MAP3K20: variants seen among roughly 807,000 people sequenced by gnomAD.
MAP3K20 encodes HCCS-4.
In MAP3K20, 40 loss-of-function variants were observed where a neutral mutation model predicts 85.7. That is an observed-to-expected ratio of 0.47 (90% CI 0.36 to 0.61). The LOEUF (loss-of-function observed/expected upper bound fraction) is 0.61. MAP3K20 is among the 20% of genes least tolerant of loss of function. The probability of loss-of-function intolerance (pLI) is 0.00; values close to 1 mark genes in which losing one functional copy is unlikely to be tolerated. For synonymous variants in MAP3K20, 325 were observed against 327.7 expected, an observed-to-expected ratio of 0.99 and a Z score of 0.09; for missense variants, 817 against 961.7, an observed-to-expected ratio of 0.85 and a Z score of 1.99.
chr2:173,093,821 G>GT (rs1687374667), intron 2 of MAP3K20, among the ~76,000 whole-genome samples: 3 of 152,002 alleles, frequency 2.0e-5, no homozygotes, highest in African/African-American at 7.3e-5. Context: ...TAAAAATGAT[G>GT]AGTTCATGTC....
Position 173,185,216 on chromosome 2 carries a change from G to A in MAP3K20, c.349+2261G>A, listed in dbSNP as rs547896862. On this transcript the variant is annotated intron_variant, in intron 4 of 19. Coordinates refer to ENST00000375213, the MANE Select transcript of MAP3K20 (RefSeq NM_016653.3). ...AGATTGGGCCATTGCACTCCAGCCT[G>A]GGCGACCGAGTGAGACTCTGTCTCA... is the stretch of plus-strand genomic sequence containing the variant. Among the ~76,000 whole-genome samples, 56 of 152,236 alleles carry A rather than the reference G, an allele frequency of 3.7e-4. 1 individual carries two copies. In the South Asian group the frequency reaches 0.01, roughly 28 times the overall value.
intron 11 of MAP3K20, among the ~76,000 whole-genome samples, chr2:173,219,219 A>G (rs953081406): frequency 6.6e-6 from 1 of 152,220 alleles, no homozygotes; most frequent in Non-Finnish European, 1.5e-5. Context: ...CTGGAGGTTT[A>G]GCTTTCCTGT....
chr2:173,238,638 T>C lies in MAP3K20; in HGVS notation c.1266+203T>C, dbSNP rs3739102. Among the ~76,000 whole-genome samples the C allele has an allele frequency of 0.7, 106,153 of 152,090 alleles. 37,400 individuals carry two copies. Among genetic ancestry groups the C allele is most frequent in the East Asian group, 0.85 (4,377 of 5,172 alleles). On this transcript the variant is annotated intron_variant, in intron 15 of 19. Coordinates refer to ENST00000375213, the MANE Select transcript of MAP3K20 (RefSeq NM_016653.3). ...CCCACAAGTTGAAATATTAACAATTTGTTCATGATAAGAACAACACACCTT... is the reference window on the plus strand; with the variant it reads ...CCCACAAGTTGAAATATTAACAATTCGTTCATGATAAGAACAACACACCTT...
chr2:173,266,789 A>G lies in MAP3K20; in HGVS notation c.*39A>G. The stretch of plus-strand genomic sequence containing the variant: ...ATAGCTTTTCTAAGCAGGTTAAAAA[A>G]AAAAAAAAAAAGAAATGTAATGGTT... On this transcript the variant is annotated 3_prime_UTR_variant, in exon 20 of 20. Transcript: ENST00000375213. The G allele has an allele frequency of 5.9e-6, 8 of 1,363,488 alleles. 1 individual carries two copies. Among genetic ancestry groups the G allele is most frequent in the Non-Finnish European group, 7.7e-6 (8 of 1,041,462 alleles). 84.5% of individuals were successfully genotyped at this position (1,363,488 alleles called of 1,614,324 possible). A position where few individuals can be genotyped will look rare whatever the true frequency, so the allele number is the denominator to read the frequency against.
intron 2 of MAP3K20, among the ~76,000 whole-genome samples, chr2:173,118,336 C>T (rs758759263): frequency 5.3e-5 from 8 of 152,102 alleles, no homozygotes; most frequent in African/African-American, 7.2e-5. Flanking sequence ...ACCTAACCCA[C>T]GGAGTTTATG....
rs749476435 is a variant in MAP3K20 at position 173,266,702 on chromosome 2, C to A, written c.2355C>A (p.Thr785=). 1.6e-5 allele frequency: 25 copies of A among 1,587,968 alleles called. No individual in the cohort carries two copies. The highest frequency in any genetic ancestry group is 2.1e-5 in the Non-Finnish European group (25 of 1,168,072). ...CCCACAGGCCATCTCCCGCCAAAAC[C>A]AATAAAGAGAGAGCCAGAGGGGACC... ...KKPHRPSPAK[T]NKERARGDHR... is the part of the protein sequence containing the mutation. Residue 785 remains threonine (T), a synonymous_variant, in exon 20 of 20, where the codon ACC becomes ACA. Coordinates refer to ENST00000375213, the MANE Select transcript of MAP3K20 (RefSeq NM_016653.3).
chr2:173,141,603 TCA>T (rs1688973523), intron 2 of MAP3K20, among the ~76,000 whole-genome samples: 3 of 151,914 alleles, frequency 2.0e-5, no homozygotes, highest in African/African-American at 7.3e-5. Flanking sequence ...ATTAATGGAA[TCA>T]CAGAAAGAAA....
intron 16 of MAP3K20, among the ~76,000 whole-genome samples, chr2:173,247,044 C>T (rs1387686340): frequency 6.6e-6 from 1 of 152,174 alleles, no homozygotes; most frequent in African/African-American, 2.4e-5. Flanking sequence ...GGAAGCTTAT[C>T]AATAGAGGAC....
chr2:173,217,261 T>C lies in MAP3K20; in HGVS notation c.987+11T>C, dbSNP rs1198895611. On this transcript the variant is annotated intron_variant, in intron 11 of 19. Coordinates refer to ENST00000375213, the MANE Select transcript of MAP3K20 (RefSeq NM_016653.3). ...CAGTCCAACACCCCGGTGAGTACCC[T>C]CCCCCTTCGCCGTCTTTCCACATGC... 7.2e-6 allele frequency: 11 copies of C among 1,533,712 alleles called. No individual in the cohort carries two copies. The highest frequency in any genetic ancestry group is 3.5e-4 in the Middle Eastern group (2 of 5,720).
intron 4 of MAP3K20, among the ~76,000 whole-genome samples, chr2:173,187,184 A>G (rs568711246): frequency 6.6e-6 from 1 of 152,218 alleles, no homozygotes; most frequent in South Asian, 2.1e-4. Context: ...AAAACCACAA[A>G]TTTTACTCAG....
chr2:173,224,855 T>C (rs1428837747), intron 11 of MAP3K20: 3 of 985,212 alleles, frequency 3.0e-6, no homozygotes, highest in African/African-American at 1.7e-5. Context: ...ATTAGCCATA[T>C]GCAGAATTTC....
rs1574044672 is a variant in MAP3K20, at chr2:173,134,406, A to ATTTTTTTTTT, written c.160-35398_160-35397insTTTTTTTTTT. On this transcript the variant is annotated intron_variant, in intron 2 of 19. Transcript: ENST00000375213. ...TGTGTCTCTATACATATATATATAT[A>ATTTTTTTTTT]TATATATATATATATATATATATTT... Among the ~76,000 whole-genome samples the ATTTTTTTTTT allele has an allele frequency of 2.8e-4, 2 of 7,260 alleles. 1 individual carries two copies. The highest frequency in any genetic ancestry group is 2.9e-3 in the Admixed American group (2 of 678). The allele number at this position is 7,260 out of a possible 152,430, so 4.8% of individuals were successfully genotyped here.
chr2:173,217,030 A>T, intron 10 of MAP3K20, 85 bp from the exon 11 acceptor site: 1 of 1,281,588 alleles, frequency 7.8e-7, no homozygotes, highest in Non-Finnish European at 1.0e-6. Flanking sequence ...TGTGTCTTTT[A>T]CTTTGATTAG....
chr2:173,134,424 A>ATTTTTTTTT (rs1315509260), intron 2 of MAP3K20, among the ~76,000 whole-genome samples: 5 of 5,032 alleles, frequency 9.9e-4, no homozygotes, highest in Admixed American at 2.8e-3. Flanking sequence ...ATATATATAT[A>ATTTTTTTTT]TATATTTTTT....
rs553504522 is a variant in MAP3K20 at position 173,158,621 on chromosome 2, C to G, written c.160-11184C>G. ...AACAAGCAAAATATGTAAATGGAATCCATTGATGGAAGACATAGGAATTTA... is the reference window on the plus strand; with the variant it reads ...AACAAGCAAAATATGTAAATGGAATGCATTGATGGAAGACATAGGAATTTA... On this transcript the variant is annotated intron_variant, in intron 2 of 19. Coordinates refer to ENST00000375213, the MANE Select transcript of MAP3K20 (RefSeq NM_016653.3). Among the ~76,000 whole-genome samples, 17 of 152,250 alleles carry G rather than the reference C, an allele frequency of 1.1e-4. 1 individual carries two copies. In the South Asian group the frequency reaches 3.5e-3, roughly 32 times the overall value.
chr2:173,137,087 A>C (rs1176290190), intron 2 of MAP3K20, among the ~76,000 whole-genome samples: 1 of 152,206 alleles, frequency 6.6e-6, no homozygotes, highest in Non-Finnish European at 1.5e-5. Context: ...AAAAGGATTG[A>C]TGGCTGTGTT....
At chr2:173,103,027 TG>T (rs1352100252) in intron 2 of MAP3K20, among the ~76,000 whole-genome samples, 1 of 151,876 alleles carries the variant, frequency 6.6e-6, no homozygotes. Context: ...CAATCTAGCC[TG>T]GGCCGCAAGA....
chr2:173,263,374 A>T (rs532555023), intron 18 of MAP3K20, among the ~76,000 whole-genome samples: 2 of 152,224 alleles, frequency 1.3e-5, no homozygotes, highest in African/African-American at 2.4e-5. Context: ...TAGAAGATGT[A>T]ATTTTTTATT....
chr2:173,237,000 A>G (rs1427030893), intron 14 of MAP3K20, among the ~76,000 whole-genome samples: 1 of 145,438 alleles, frequency 6.9e-6, no homozygotes, highest in Non-Finnish European at 1.5e-5. Flanking sequence ...CAAACTGGAC[A>G]GTGGAGCAGT....
Sources: gnomAD v4.1 joint callset for allele counts (sites outside exome capture counted in the v4.1 genomes callset) on GRCh38, gnomAD v4.1.1 for gene constraint, MANE v1.5 for transcripts, NCBI Gene and HGNC (gene_info 2026-07-23, HGNC 2026-07-21) for gene names.